Variants in PCDHA9 observed in about 807,000 individuals in gnomAD.
PCDHA9 encodes the protein protocadherin alpha 9, also known as protocadherin alpha-9.
PCDHA9 carries 62 observed loss-of-function variants against 62.0 expected under a neutral mutation model. The ratio of observed to expected loss-of-function variants is 1.00; its 90% CI spans 0.81 to 1.23. PCDHA9 has a LOEUF of 1.23. Among genes scored for constraint, PCDHA9 ranks in the 50% most tolerant of loss-of-function variants. The pLI is 0.00. For missense variants in PCDHA9, 1,205 were observed against 1,249.8 expected (o/e 0.96, Z 0.54); for synonymous variants, 557 against 567.6 (o/e 0.98, Z 0.27).
At chr5:140,889,240 T>C (rs782266675) in intron 1 of PCDHA9, among the ~76,000 whole-genome samples, 4 of 151,692 alleles carry the variant, frequency 2.6e-5, no homozygotes, top group Non-Finnish European at 4.4e-5. Context: ...TTCCAGAAAA[T>C]TTTCTGTTTC....
At chr5:140,968,657 G>C in intron 1 of PCDHA9, 1 of 1,614,142 alleles carries the variant, frequency 6.2e-7, no homozygotes, top group Non-Finnish European at 8.5e-7. Context: ...TTCTGACCTG[G>C]ACCTCTTTAA....
intron 1 of PCDHA9, among the ~76,000 whole-genome samples, chr5:140,960,594 G>A (rs1341832093): frequency 6.6e-6 from 1 of 152,042 alleles, no homozygotes; most frequent in African/African-American, 2.4e-5. Flanking sequence ...CAAATTCAAG[G>A]TACTTCAACA....
At chr5:140,924,902 A>T (rs1484044152) in intron 1 of PCDHA9, among the ~76,000 whole-genome samples, 1 of 39,026 alleles carries the variant, frequency 2.6e-5, no homozygotes, top group African/African-American at 7.6e-5. Context: ...CTCAAAAAAA[A>T]AAATAAAATA....
rs2150443842 is a variant in PCDHA9 at position 140,849,644 on chromosome 5, G to A, written c.1149G>A (p.Gly383=). 141 of 1,598,706 alleles carry A rather than the reference G, an allele frequency of 8.8e-5. 10 individuals are homozygous for A. In the East Asian group the frequency reaches 1.0e-3, roughly 12 times the overall value. ...TCGACCTAGACGCAGATGCCAACGG[G>A]CAGGTTACCTGCTCCCTGACGCCCC... ...SVIDLDADAN[G]QVTCSLTPHV... The change falls in exon 1 of 4, where the codon GGG becomes GGA. Residue 383 remains glycine (G), a synonymous_variant. Coordinates refer to ENST00000532602, the MANE Select transcript of PCDHA9 (RefSeq NM_031857.2).
At chr5:140,875,738 G>C (rs1197047985) in intron 1 of PCDHA9, 1 of 1,614,204 alleles carries the variant, frequency 6.2e-7, no homozygotes, top group Non-Finnish European at 8.5e-7. Context: ...GTGAATTCTC[G>C]GATCGACCGC....
At chr5:140,880,759 T>C (rs2058465198) in intron 1 of PCDHA9, among the ~76,000 whole-genome samples, 1 of 152,188 alleles carries the variant, frequency 6.6e-6, no homozygotes. Context: ...TAACTGCGTG[T>C]TGGAGGCTAA....
intron 1 of PCDHA9, chr5:140,875,466 T>A (rs782683106): frequency 2.4e-5 from 39 of 1,599,908 alleles, no homozygotes; most frequent in Admixed American, 1.2e-4. Flanking sequence ...GGCCCTCATT[T>A]TCTGCAATGG....
intron 1 of PCDHA9, among the ~76,000 whole-genome samples, chr5:140,886,986 A>C (rs1246352877): frequency 6.6e-6 from 1 of 152,160 alleles, no homozygotes; most frequent in Non-Finnish European, 1.5e-5. Context: ...TGTAAATCCA[A>C]ATTTCCAGTT....
intron 1 of PCDHA9, among the ~76,000 whole-genome samples, chr5:140,947,620 T>C (rs1554218262): frequency 6.6e-6 from 1 of 151,706 alleles, no homozygotes; most frequent in African/African-American, 2.4e-5. Flanking sequence ...CTTAACAATA[T>C]TGAGTCATCA....
chr5:140,876,967 G>A (rs200960356), intron 1 of PCDHA9: 7 of 1,612,934 alleles, frequency 4.3e-6, no homozygotes, highest in African/African-American at 2.7e-5. Context: ...GGAGCGGCGG[G>A]TGGGCGAGCA....
At chr5:140,948,027 G>T (rs530195389) in intron 1 of PCDHA9, among the ~76,000 whole-genome samples, 1 of 151,544 alleles carries the variant, frequency 6.6e-6, no homozygotes, top group Non-Finnish European at 1.5e-5. Flanking sequence ...TTTCTGGTTT[G>T]CTCAGAGTTT....
In PCDHA9 at chr5:140,945,865, A is replaced by T. The variant is rs184952981; in HGVS notation, c.2395-33084A>T. ...ATTAAAGACTTAAACATAGACCTGAAATTGTAAAACTAACAAAGAAAACAC... is the reference window on the plus strand; with the variant it reads ...ATTAAAGACTTAAACATAGACCTGATATTGTAAAACTAACAAAGAAAACAC... On this transcript the variant is annotated intron_variant, in intron 1 of 3. Coordinates refer to ENST00000532602, the MANE Select transcript of PCDHA9 (RefSeq NM_031857.2). Among the ~76,000 whole-genome samples, 23 of 152,290 alleles carry T rather than the reference A, an allele frequency of 1.5e-4. No individual in the cohort carries two copies. The East Asian group carries it at 4.2e-3, about 28-fold the overall frequency.
In PCDHA9 at chr5:140,856,768, C is replaced by G; in HGVS notation, c.2394+5879C>G. 1.3e-6 allele frequency: 2 copies of G among 1,596,818 alleles called. 1 individual carries two copies. ...TAGATGCCAATGATAACGCCCCTAT[C>G]TTTGACAGACCGGTTTATGAAGTTA... On this transcript the variant is annotated intron_variant, in intron 1 of 3. Coordinates refer to ENST00000532602, the MANE Select transcript of PCDHA9 (RefSeq NM_031857.2).
intron 1 of PCDHA9, among the ~76,000 whole-genome samples, chr5:140,918,162 A>G (rs1344100803): frequency 1.3e-5 from 2 of 152,122 alleles, no homozygotes; most frequent in Non-Finnish European, 2.9e-5. Context: ...TCTATTGTAA[A>G]TGGCATTGTG....
chr5:140,875,928 T>C (rs782425352), intron 1 of PCDHA9: 1 of 1,614,188 alleles, frequency 6.2e-7, no homozygotes, highest in South Asian at 1.1e-5. Flanking sequence ...ACTCTCATTT[T>C]CCTCTAGAGG....
rs2150421063 is a variant in PCDHA9, at chr5:140,848,806, T to G, written c.311T>G (p.Ile104Ser). ...ELCGRSAECS[I>S]HLEVIVDRPL... ...TGCGGGCGGAGCGCGGAGTGCAGCA[T>G]CCACCTGGAGGTGATCGTAGACAGG... The change falls in exon 1 of 4, where the codon ATC becomes AGC. Residue 104 changes from isoleucine (I) to serine (S), a missense_variant. Physicochemically the swap from Ile to Ser is moderately radical, Grantham distance 142. This residue lies in a region of PCDHA9 where 208 missense variants were observed against 213.2 expected (regional missense o/e 0.98). Coordinates refer to ENST00000532602, the MANE Select transcript of PCDHA9 (RefSeq NM_031857.2). The G allele has an allele frequency of 1.3e-6, 2 of 1,591,932 alleles. No individual in the cohort carries two copies. Among genetic ancestry groups the G allele is most frequent in the African/African-American group, 2.7e-5 (2 of 74,094 alleles).
rs782469778 is a variant in PCDHA9 at position 140,882,968 on chromosome 5, G to A, written c.2394+32079G>A. The A allele has an allele frequency of 3.7e-6, 6 of 1,614,028 alleles. No homozygotes were observed. The African/African-American group carries it at 8.0e-5, about 22-fold the overall frequency. ...AGTTCAGCTGCTCATCACGATTCTGGACGTGAATGACAACGCCCCGGAATT... is the reference window on the plus strand; with the variant it reads ...AGTTCAGCTGCTCATCACGATTCTGAACGTGAATGACAACGCCCCGGAATT... On this transcript the variant is annotated intron_variant, in intron 1 of 3. Transcript: ENST00000532602.
rs1554143688 is a variant in PCDHA9, at chr5:140,850,048, A to G, written c.1553A>G (p.Tyr518Cys). The change falls in exon 1 of 4, where the codon TAC becomes TGC. Residue 518 changes from tyrosine (Y) to cysteine (C), a missense_variant. By Grantham distance (194) the Tyr-to-Cys change is radical. Around this residue, in one of 3 missense-constraint regions of PCDHA9, gnomAD observed 887 missense variants for 809.5 expected, o/e 1.10. Transcript: ENST00000532602. ...VSVHAESGKV[Y>C]ALQPLDHEEL... is the part of the protein sequence containing the mutation. Reference sequence around the variant, plus strand: ...GTGCACGCGGAGAGCGGCAAGGTGTACGCGCTGCAGCCGTTGGACCACGAG... The same window carrying G: ...GTGCACGCGGAGAGCGGCAAGGTGTGCGCGCTGCAGCCGTTGGACCACGAG... The G allele has an allele frequency of 6.3e-7, 1 of 1,596,376 alleles. No individual in the cohort carries two copies. Among genetic ancestry groups the G allele is most frequent in the Admixed American group, 1.7e-5 (1 of 59,312 alleles).
intron 1 of PCDHA9, among the ~76,000 whole-genome samples, chr5:140,922,316 A>T (rs983729529): frequency 6.6e-6 from 1 of 152,248 alleles, no homozygotes; most frequent in Non-Finnish European, 1.5e-5. Flanking sequence ...TTCACTGAAG[A>T]TCTTGGAAAG....
Sources: gnomAD v4.1 joint callset for allele counts (sites outside exome capture counted in the v4.1 genomes callset) on GRCh38, gnomAD v4.1.1 for gene constraint, gnomAD v4.1.1 regional missense constraint, MANE v1.5 for transcripts, NCBI Gene and HGNC (gene_info 2026-07-23, HGNC 2026-07-21) for gene names.